The following ALKBH8 variants were observed in gnomAD, a reference collection of about 807,000 sequenced individuals.
ALKBH8 encodes tRNA (carboxymethyluridine(34)-5-O)-methyltransferase ALKBH8.
A neutral mutation model predicts 59.8 loss-of-function variants in ALKBH8; 36 were observed. That is an observed-to-expected ratio of 0.60 (90% confidence interval 0.46 to 0.79). The LOEUF is 0.79. Among genes scored for constraint, ALKBH8 ranks in the 30% least tolerant of loss-of-function variants. The pLI is 0.00. For synonymous variants in ALKBH8, 276 were observed against 273.6 expected, an observed-to-expected ratio of 1.01 and a Z score of -0.09; for missense variants, 768 against 801.0, an observed-to-expected ratio of 0.96 and a Z score of 0.50.
intron 10 of ALKBH8, 128 bp from the exon 11 acceptor site, chr11:107,511,164 TGATACTATCGG>T: frequency 3.2e-6 from 3 of 946,614 alleles, no homozygotes; most frequent in Non-Finnish European, 4.7e-6. Flanking sequence ...TCTGAGACCA[TGATACTATCGG>T]TTCTTACAGC....
chr11:107,553,217 A>G lies in ALKBH8; in HGVS notation c.500-14T>C, dbSNP rs1235074978. The G allele has an allele frequency of 6.7e-7, 1 of 1,489,104 alleles. No individual in the cohort carries two copies. The highest frequency in any genetic ancestry group is 2.0e-5 in the Admixed American group (1 of 49,306). The allele number at this position is 1,489,104 out of a possible 1,614,324, so 92.2% of individuals were successfully genotyped here. A position where few individuals can be genotyped will look rare whatever the true frequency, so the allele number is the denominator to read the frequency against. On this transcript the variant is annotated splice_polypyrimidine_tract_variant and intron_variant, in intron 4 of 11. Transcript: ENST00000428149. ...AGGATTTTTGAGCTGTGTGAAGAGA[A>G]CAAAGTAAACAATTAAGAAGGAAAA...
chr11:107,551,101 T>A (rs1284055714), intron 6 of ALKBH8, among the ~76,000 whole-genome samples: 1 of 152,224 alleles, frequency 6.6e-6, no homozygotes, highest in African/African-American at 2.4e-5. Flanking sequence ...TCTCCCATAT[T>A]ATCAAATAGA....
Position 107,524,680 on chromosome 11 carries a change from T to C in ALKBH8, c.1030+761A>G, listed in dbSNP as rs563063940. The stretch of plus-strand genomic sequence containing the variant: ...TTCAGTAACATCAGGATATAAAATA[T>C]AGAAATTTCAAGTTTTCTAAAAGCA... On this transcript the variant is annotated intron_variant, in intron 9 of 11. Transcript: ENST00000428149. Among the ~76,000 whole-genome samples the C allele has an allele frequency of 4.3e-3, 659 of 152,246 alleles. 3 individuals are homozygous for C. Among genetic ancestry groups the C allele is most frequent in the Non-Finnish European group, 7.1e-3 (482 of 67,986 alleles).
At chr11:107,525,661 G>T in intron 8 of ALKBH8, 69 bp from the exon 9 acceptor site, 2 of 1,096,432 alleles carry the variant, frequency 1.8e-6, no homozygotes, top group Non-Finnish European at 2.4e-6. Flanking sequence ...CTTTAAAAAT[G>T]TTAAGTGAAT....
chr11:107,545,072 T>C (rs1864195076), intron 7 of ALKBH8, among the ~76,000 whole-genome samples: 1 of 152,132 alleles, frequency 6.6e-6, no homozygotes, highest in African/African-American at 2.4e-5. Flanking sequence ...GTATGGGGCC[T>C]GGAATCAAGA....
intron 7 of ALKBH8, among the ~76,000 whole-genome samples, chr11:107,546,597 A>G: frequency 6.6e-6 from 1 of 152,128 alleles, no homozygotes; most frequent in East Asian, 1.9e-4. Flanking sequence ...ACAAGTTAAA[A>G]CTTTTGGAAC....
At chr11:107,512,336 C>T (rs1377953968) in intron 10 of ALKBH8, among the ~76,000 whole-genome samples, 1 of 151,300 alleles carries the variant, frequency 6.6e-6, no homozygotes, top group East Asian at 1.9e-4. Flanking sequence ...GGTTTTGAGA[C>T]AGGGTCTCAC....
At chr11:107,553,601 G>A (rs1864583428) in intron 4 of ALKBH8, among the ~76,000 whole-genome samples, 2 of 152,032 alleles carry the variant, frequency 1.3e-5, no homozygotes, top group South Asian at 2.1e-4. Context: ...TAAAATAAGT[G>A]AAAAGGCTTA....
chr11:107,530,343 A>G (rs1408564726), intron 8 of ALKBH8, among the ~76,000 whole-genome samples: 1 of 152,162 alleles, frequency 6.6e-6, no homozygotes. Flanking sequence ...TCCCTCTACA[A>G]TGCTTTCTAG....
rs683890 is a variant in ALKBH8 at position 107,523,481 on chromosome 11, G to A, written c.1031-926C>T. Among the ~76,000 whole-genome samples, 1,045 of 152,156 alleles carry A rather than the reference G, an allele frequency of 6.9e-3. 11 individuals carry two copies. The highest frequency in any genetic ancestry group is 0.023 in the African/African-American group (953 of 41,512). The stretch of plus-strand genomic sequence containing the variant: ...CAGTTGGGGTGGGAGCCGGGGAGAT[G>A]CTAATGAAAGGATACAAAATTTCAG... On this transcript the variant is annotated intron_variant, in intron 9 of 11. Coordinates refer to ENST00000428149, the MANE Select transcript of ALKBH8 (RefSeq NM_138775.3).
chr11:107,511,145 G>T, intron 10 of ALKBH8, 109 bp from the exon 11 acceptor site: 2 of 1,142,476 alleles, frequency 1.8e-6, no homozygotes, highest in East Asian at 2.6e-5. Flanking sequence ...CATATTCATT[G>T]TGAAATGGTC....
intron 7 of ALKBH8, among the ~76,000 whole-genome samples, chr11:107,548,499 TG>T (rs1864357989): frequency 6.6e-6 from 1 of 152,106 alleles, no homozygotes. Context: ...GAAGCAAGGA[TG>T]GGGGGTAAAA....
chr11:107,517,676 G>T (rs1317944967), intron 10 of ALKBH8, among the ~76,000 whole-genome samples: 2 of 152,146 alleles, frequency 1.3e-5, no homozygotes, highest in African/African-American at 4.8e-5. Context: ...GGCAAGTATT[G>T]CATGATCTCA....
Position 107,504,603 on chromosome 11 carries a change from T to C in ALKBH8, c.*55A>G. 1 of 1,515,256 alleles carries C rather than the reference T, an allele frequency of 6.6e-7. No homozygotes were observed. The highest frequency in any genetic ancestry group is 8.9e-7 in the Non-Finnish European group (1 of 1,121,980). The allele number at this position is 1,515,256 out of a possible 1,614,324, so 93.9% of individuals were successfully genotyped here. A position where few individuals can be genotyped will look rare whatever the true frequency, so the allele number is the denominator to read the frequency against. ...TTAAAAGGGTAATTAATTTATTCTC[T>C]CTTTTTTTTTAAGTGAGCATTTCTT... On this transcript the variant is annotated 3_prime_UTR_variant, in exon 12 of 12. Coordinates refer to ENST00000428149, the MANE Select transcript of ALKBH8 (RefSeq NM_138775.3).
Position 107,504,694 on chromosome 11 carries a change from A to G in ALKBH8, c.1959T>C (p.Asp653=). ...SDVRILQSYY[D]QGNWCVILQK... is the part of the protein sequence containing the mutation. ...GAAGAATCACACACCAGTTTCCTTG[A>G]TCGTAGTAGCTTTGCAGAATTCTGA... The change falls in exon 12 of 12, where the codon GAT becomes GAC. Residue 653 remains aspartate (D), a synonymous_variant. Coordinates refer to ENST00000428149, the MANE Select transcript of ALKBH8 (RefSeq NM_138775.3). 6.5e-7 allele frequency: 1 copy of G among 1,549,990 alleles called. No individual in the cohort carries two copies. The highest frequency in any genetic ancestry group is 1.2e-5 in the South Asian group (1 of 83,798).
At chr11:107,516,790 G>A (rs1862881436) in intron 10 of ALKBH8, among the ~76,000 whole-genome samples, 1 of 152,170 alleles carries the variant, frequency 6.6e-6, no homozygotes, top group African/African-American at 2.4e-5. Flanking sequence ...AGACAAAGGT[G>A]GGTGGATCAC....
chr11:107,514,458 A>T lies in ALKBH8; in HGVS notation c.1288-3422T>A, dbSNP rs111932508. ...CTTTAATTTTAAAGTGAAATAAAAG[A>T]TATCAAGCTAGAGGTAAAGTACAGC... On this transcript the variant is annotated intron_variant, in intron 10 of 11. Coordinates refer to ENST00000428149, the MANE Select transcript of ALKBH8 (RefSeq NM_138775.3). Among the ~76,000 whole-genome samples the T allele has an allele frequency of 5.1e-3, 784 of 152,350 alleles. 4 individuals are homozygous for T. Among genetic ancestry groups the T allele is most frequent in the African/African-American group, 0.018 (742 of 41,578 alleles).
chr11:107,550,507 T>C (rs1565343804), intron 6 of ALKBH8, among the ~76,000 whole-genome samples: 1 of 152,226 alleles, frequency 6.6e-6, no homozygotes, highest in Non-Finnish European at 1.5e-5. Flanking sequence ...CATTTCATCC[T>C]ACAGGCCTCT....
At chr11:107,543,029 T>G (rs645663) in intron 7 of ALKBH8, among the ~76,000 whole-genome samples, 1 of 151,794 alleles carries the variant, frequency 6.6e-6, no homozygotes, top group Non-Finnish European at 1.5e-5. Context: ...CAGTGGACGG[T>G]GAATCGCTGA....
Sources: gnomAD v4.1 joint callset for allele counts (sites outside exome capture counted in the v4.1 genomes callset) on GRCh38, gnomAD v4.1.1 for gene constraint, MANE v1.5 for transcripts, NCBI Gene and HGNC (gene_info 2026-07-23, HGNC 2026-07-21) for gene names.